MCF2L2: variants seen among roughly 807,000 people sequenced by gnomAD.
MCF2L2 encodes MCF.2 cell line derived transforming sequence-like 2, also known as probable guanine nucleotide exchange factor MCF2L2.
Under a neutral mutation model 150.2 loss-of-function variants are expected in MCF2L2, and 102 were observed. The ratio of observed to expected loss-of-function variants is 0.68; its 90% CI spans 0.58 to 0.80. The LOEUF (loss-of-function observed/expected upper bound fraction) is 0.80. Among genes scored for constraint, MCF2L2 ranks in the 30% least tolerant of loss-of-function variants. The probability of loss-of-function intolerance (pLI) is 0.00; values close to 1 mark genes in which losing one functional copy is unlikely to be tolerated. For synonymous variants in MCF2L2, 465 were observed against 491.3 expected (o/e 0.95, Z 0.71); for missense variants, 1,256 against 1,372.8 (o/e 0.91, Z 1.34).
At chr3:183,314,907 CTTTTTTTTTTTTTTTTTTT>C (rs869078971) in intron 7 of MCF2L2, among the ~76,000 whole-genome samples, 3,753 of 13,798 alleles carry the variant, frequency 0.27, 503 homozygotes, top group African/African-American at 0.32. Flanking sequence ...TTTTTCTTTT[CTTTTTTTTTTTTTTTTTTT>C]TTTTTTTTTT....
At chr3:183,380,582 A>G (rs1713464652) in intron 2 of MCF2L2, among the ~76,000 whole-genome samples, 1 of 151,992 alleles carries the variant, frequency 6.6e-6, no homozygotes, top group African/African-American at 2.4e-5. Flanking sequence ...TTGTATTTTT[A>G]GTAGAGACGG....
At chr3:183,233,549 A>G (rs1723661784) in intron 15 of MCF2L2, among the ~76,000 whole-genome samples, 1 of 152,158 alleles carries the variant, frequency 6.6e-6, no homozygotes, top group South Asian at 2.1e-4. Context: ...CAAGACGTAG[A>G]CAAGTAAGCA....
intron 1 of MCF2L2, among the ~76,000 whole-genome samples, chr3:183,425,795 T>C (rs1047652220): frequency 2.6e-5 from 4 of 151,816 alleles, no homozygotes; most frequent in East Asian, 3.9e-4. Context: ...CTACTAAAAA[T>C]ACAAAAAAAA....
At position 183,270,639 on chromosome 3, in the gene MCF2L2, A is replaced by G. The variant is rs1182571517; in HGVS notation, c.1862+6233T>C. 5 of 1,614,226 alleles carry G rather than the reference A, an allele frequency of 3.1e-6. No individual in the cohort carries two copies. In the Admixed American group the frequency reaches 5.0e-5, roughly 16 times the overall value. On this transcript the variant is annotated intron_variant, in intron 15 of 29. Coordinates refer to ENST00000328913, the MANE Select transcript of MCF2L2 (RefSeq NM_015078.4). This position sits in a 1 kb window ranked among gnomAD's most constrained non-coding sequence, Gnocchi z 4.5. The stretch of plus-strand genomic sequence containing the variant: ...ACAGACACTAAATTCAAGTCTTTAC[A>G]TAGACGATGTGTTCATGGGCCTCTG...
rs550524107 is a variant in MCF2L2 at position 183,410,690 on chromosome 3, T to G, written c.76+17212A>C. On this transcript the variant is annotated intron_variant, in intron 1 of 29. Coordinates refer to ENST00000328913, the MANE Select transcript of MCF2L2 (RefSeq NM_015078.4). ...TCCCAGGCCAGCCTGTAAAACCGTC[T>G]AAGTATTTTACATTCTTAATGATTC... 2.0e-5 allele frequency among the ~76,000 whole-genome samples: 3 copies of G among 152,350 alleles called. No homozygotes were observed. The South Asian group carries it at 6.2e-4, about 32-fold the overall frequency.
chr3:183,366,536 G>A (rs1009132314), intron 3 of MCF2L2, among the ~76,000 whole-genome samples: 4 of 152,174 alleles, frequency 2.6e-5, no homozygotes, highest in Admixed American at 6.5e-5. Flanking sequence ...TCCCAGCTAC[G>A]CGAGAGGCTG....
At chr3:183,211,245 T>C (rs1169635997) in intron 22 of MCF2L2, among the ~76,000 whole-genome samples, 1 of 152,136 alleles carries the variant, frequency 6.6e-6, no homozygotes, top group Non-Finnish European at 1.5e-5. Context: ...CCAGAGGTGC[T>C]GTGGATCCTG....
intron 15 of MCF2L2, chr3:183,258,551 A>G (rs1725291946): frequency 6.6e-6 from 1 of 152,198 alleles, no homozygotes; most frequent in Non-Finnish European, 1.5e-5. Context: ...CCCTCATCTC[A>G]GAGGAAAGCT....
At chr3:183,390,576 C>G (rs1402368017) in intron 1 of MCF2L2, among the ~76,000 whole-genome samples, 1 of 152,146 alleles carries the variant, frequency 6.6e-6, no homozygotes, top group South Asian at 2.1e-4. Flanking sequence ...AAGGCATTTT[C>G]ATGTTATCTC....
At chr3:183,289,670 A>G (rs1728009645) in intron 13 of MCF2L2, among the ~76,000 whole-genome samples, 1 of 152,196 alleles carries the variant, frequency 6.6e-6, no homozygotes, top group Non-Finnish European at 1.5e-5. Context: ...AGCCCGGCCA[A>G]CATGGTGAAA....
chr3:183,360,986 A>AAG (rs1712120359), intron 3 of MCF2L2, among the ~76,000 whole-genome samples: 5 of 130,214 alleles, frequency 3.8e-5, no homozygotes, highest in African/African-American at 2.1e-4. Flanking sequence ...AAGAAAAGAA[A>AAG]AGAAAAGAAA....
At chr3:183,180,376 G>T (rs948154164) in intron 27 of MCF2L2, 2 of 509,632 alleles carry the variant, frequency 3.9e-6, no homozygotes, top group South Asian at 6.0e-5. Context: ...CCGAGAAGGC[G>T]CGTCCACATG....
At position 183,300,148 on chromosome 3, in the gene MCF2L2, T is replaced by C. The variant is rs765988397; in HGVS notation, c.1162A>G (p.Ile388Val). The C allele has an allele frequency of 1.9e-6, 3 of 1,613,618 alleles. No individual in the cohort carries two copies. Among genetic ancestry groups the C allele is most frequent in the Admixed American group, 3.3e-5 (2 of 59,850 alleles). The change falls in exon 11 of 30, where the codon ATC becomes GTC. Residue 388 changes from isoleucine (I) to valine (V), a missense_variant. By Grantham distance (29) the Ile-to-Val change is conservative (BLOSUM62 3). Transcript: ENST00000328913. The stretch of plus-strand genomic sequence containing the variant: ...TCTGCTGCATAATGGTGGCTTTGGA[T>C]GAGCTGGTCCCCAACCAGTGCCAGC... ...QLLALVGDQL[I>V]QSHHYAADAI... is the part of the protein sequence containing the mutation.
intron 11 of MCF2L2, chr3:183,298,027 C>G (rs1319755463): frequency 6.6e-6 from 1 of 152,220 alleles, no homozygotes; most frequent in Non-Finnish European, 1.5e-5. Flanking sequence ...CAACTTTCAT[C>G]TTTGGATTCC....
At chr3:183,309,649 C>A (rs1373250112) in intron 10 of MCF2L2, 67 bp downstream of exon 10, 1 of 1,601,982 alleles carries the variant, frequency 6.2e-7, no homozygotes, top group African/African-American at 1.3e-5. Flanking sequence ...ATAGCAATGA[C>A]TGGACATGAT....
chr3:183,289,272 G>A, intron 13 of MCF2L2, 52 bp from the exon 14 acceptor site: 1 of 1,242,514 alleles, frequency 8.0e-7, no homozygotes, highest in Non-Finnish European at 1.2e-6. Flanking sequence ...CTATAACTCA[G>A]TGCACTTTGT....
chr3:183,300,206 G>A lies in MCF2L2; in HGVS notation c.1114-10C>T, dbSNP rs1342263643. ...CCTTTTCCAGGGGCTCCTGCAAAGTGAACACCCACAGCCAGGCGTCAGAAG... is the reference window on the plus strand; with the variant it reads ...CCTTTTCCAGGGGCTCCTGCAAAGTAAACACCCACAGCCAGGCGTCAGAAG... On this transcript the variant is annotated splice_polypyrimidine_tract_variant and intron_variant, in intron 10 of 29. Transcript: ENST00000328913. 6.3e-7 allele frequency: 1 copy of A among 1,595,912 alleles called. No individual in the cohort carries two copies. Among genetic ancestry groups the A allele is most frequent in the East Asian group, 2.2e-5 (1 of 44,650 alleles).
intron 5 of MCF2L2, among the ~76,000 whole-genome samples, chr3:183,333,934 A>G (rs1397831963): frequency 1.3e-5 from 2 of 149,502 alleles, no homozygotes; most frequent in African/African-American, 5.0e-5. Flanking sequence ...CTAGATGATC[A>G]TATTAGGCCA....
At chr3:183,303,194 C>CAAA (rs56742154) in intron 10 of MCF2L2, among the ~76,000 whole-genome samples, 10 of 123,976 alleles carry the variant, frequency 8.1e-5, no homozygotes, top group Non-Finnish European at 1.2e-4. Context: ...ACTCTGTCTC[C>CAAA]AAAAAAAAAA....
Sources: gnomAD v4.1 joint callset for allele counts (sites outside exome capture counted in the v4.1 genomes callset) on GRCh38, gnomAD v4.1.1 for gene constraint, Gnocchi (gnomAD v3.1) non-coding constraint, MANE v1.5 for transcripts, NCBI Gene and HGNC (gene_info 2026-07-23, HGNC 2026-07-21) for gene names.